The following TLR6 variants were observed in gnomAD, a reference collection of about 807,000 sequenced individuals.
The protein encoded by TLR6 is toll-like receptor 6.
A neutral mutation model predicts 16.1 loss-of-function variants in TLR6; 9 were observed. The observed-to-expected ratio is 0.56, with a 90% CI of 0.34 to 0.98. TLR6 has a LOEUF of 0.98. TLR6 is among the 50% of genes least tolerant of loss of function. The pLI is 0.02. For synonymous variants in TLR6, 340 were observed against 338.6 expected (o/e 1.00, Z -0.04); for missense variants, 786 against 921.0 (o/e 0.85, Z 1.90).
At chr4:38,868,120 C>T in the TLR6 span, 3 of 260,948 alleles carry the variant, frequency 1.1e-5, 1 homozygote, top group Admixed American at 4.0e-5. Context: ...CACACGCCCA[C>T]ACTCAGGGTC....
upstream of TLR6, among the ~76,000 whole-genome samples, chr4:38,858,869 AAGAAAGAAAGAAAGAAAGAG>A (rs1388519920): frequency 0.016 from 2,207 of 138,938 alleles, 85 homozygotes; most frequent in African/African-American, 0.024. Flanking sequence ...GAAAGAAAGA[AAGAAAGAAAGAAAGAAAGAG>A]AGAAAGAAAG....
At chr4:38,837,407 C>T (rs372544269) in intron 1 of TLR6, among the ~76,000 whole-genome samples, 1 of 152,208 alleles carries the variant, frequency 6.6e-6, no homozygotes, top group African/African-American at 2.4e-5. Flanking sequence ...GAATACAGAA[C>T]CCAGAAATTA....
chr4:38,836,393 T>C (rs1711919767), intron 1 of TLR6, among the ~76,000 whole-genome samples: 1 of 152,194 alleles, frequency 6.6e-6, no homozygotes, highest in South Asian at 2.1e-4. Context: ...AATGTATAAA[T>C]TTCTGGATAT....
intron 1 of TLR6, among the ~76,000 whole-genome samples, chr4:38,840,853 T>G (rs560184483): frequency 1.3e-5 from 2 of 152,116 alleles, no homozygotes; most frequent in Non-Finnish European, 2.9e-5. Flanking sequence ...AAACAAGCAG[T>G]GCCACATCGA....
At chr4:38,866,471 C>T in the TLR6 span, among the ~76,000 whole-genome samples, 17 of 151,362 alleles carry the variant, frequency 1.1e-4, no homozygotes, top group Non-Finnish European at 1.6e-4. Flanking sequence ...CCAGCCTGGA[C>T]GACAGAGCAA....
At chr4:38,863,857 A>C in the TLR6 span, among the ~76,000 whole-genome samples, 1 of 152,176 alleles carries the variant, frequency 6.6e-6, no homozygotes, top group African/African-American at 2.4e-5. Flanking sequence ...GTCAGATACT[A>C]GAATCATACT....
chr4:38,856,470 C>T (rs775841463), intron 1 of TLR6, among the ~76,000 whole-genome samples: 13 of 152,166 alleles, frequency 8.5e-5, no homozygotes, highest in Non-Finnish European at 1.6e-4. Flanking sequence ...AGAGAAAATT[C>T]GCTGGGCCAA....
chr4:38,857,665 AC>A (rs1713044879), upstream of TLR6, among the ~76,000 whole-genome samples: 1 of 138,174 alleles, frequency 7.2e-6, no homozygotes, highest in African/African-American at 3.2e-5. Context: ...TAAAAAAAAA[AC>A]AACAACAAGT....
intron 1 of TLR6, among the ~76,000 whole-genome samples, chr4:38,844,909 A>T (rs1665938131): frequency 6.6e-6 from 1 of 152,056 alleles, no homozygotes; most frequent in Non-Finnish European, 1.5e-5. Context: ...CAAAAAAAAA[A>T]TTAGCCAGGC....
the TLR6 span, among the ~76,000 whole-genome samples, chr4:38,865,060 G>C: frequency 6.6e-6 from 1 of 152,156 alleles, no homozygotes; most frequent in Admixed American, 6.5e-5. Context: ...ACCACCTCAA[G>C]AAAATGGCTA....
At chr4:38,868,202 G>T in the TLR6 span, 1 of 187,318 alleles carries the variant, frequency 5.3e-6, no homozygotes. Flanking sequence ...CTGGCACCAA[G>T]CAAGTCTGGA....
At chr4:38,843,264 T>C (rs978927201) in intron 1 of TLR6, among the ~76,000 whole-genome samples, 9 of 152,186 alleles carry the variant, frequency 5.9e-5, no homozygotes, top group African/African-American at 2.2e-4. Flanking sequence ...TCAGAACCTT[T>C]TCAGGCTCTG....
chr4:38,859,913 A>G (rs1713160233), upstream of TLR6, among the ~76,000 whole-genome samples: 1 of 152,034 alleles, frequency 6.6e-6, no homozygotes. Context: ...TTCACTATAT[A>G]TAGATATGTA....
intron 1 of TLR6, chr4:38,843,832 G>A (rs1234341708): frequency 6.6e-6 from 1 of 152,192 alleles, no homozygotes; most frequent in Non-Finnish European, 1.5e-5. Context: ...GCAGGATCCA[G>A]GAGCATCTTC....
Position 38,846,088 on chromosome 4 carries a change from C to CAA in TLR6, c.-65+10671_-65+10672dup, listed in dbSNP as rs10713614. Among the ~76,000 whole-genome samples the CAA allele has an allele frequency of 1.0e-4, 10 of 97,010 alleles. 1 individual carries two copies. The highest frequency in any genetic ancestry group is 3.1e-4 in the East Asian group (1 of 3,188). 63.6% of individuals were successfully genotyped at this position (97,010 alleles called of 152,430 possible). A position where few individuals can be genotyped will look rare whatever the true frequency, so the allele number is the denominator to read the frequency against. Reference sequence around the variant, plus strand: ...GGCTGGGCCACAGAGCGAGACATCTCAAAAAAAAAAAAAAAAAAAGAAAAG... The same window carrying CAA: ...GGCTGGGCCACAGAGCGAGACATCTCAAAAAAAAAAAAAAAAAAAAAGAAAAG... On this transcript the variant is annotated intron_variant, in intron 1 of 1. Coordinates refer to ENST00000436693, the Ensembl canonical transcript of TLR6.
At chr4:38,849,588 C>A (rs529815853) in intron 1 of TLR6, among the ~76,000 whole-genome samples, 81 of 152,076 alleles carry the variant, frequency 5.3e-4, no homozygotes, top group Admixed American at 2.0e-4. Context: ...GGAAGATCTA[C>A]CAAGCAAATG....
At chr4:38,841,765 CA>C (rs1712273622) in intron 1 of TLR6, among the ~76,000 whole-genome samples, 1 of 152,138 alleles carries the variant, frequency 6.6e-6, no homozygotes, top group African/African-American at 2.4e-5. Flanking sequence ...GTGTGGATGG[CA>C]GCAGTTACGT....
chr4:38,829,276 C>T (rs760661027), exon 2 of TLR6: 6 of 1,614,190 alleles, frequency 3.7e-6, no homozygotes, highest in East Asian at 2.2e-5. Flanking sequence ...AGACCTGAAG[C>T]TCAGCGATGT....
At chr4:38,848,976 G>A (rs1398443766) in intron 1 of TLR6, among the ~76,000 whole-genome samples, 1 of 152,134 alleles carries the variant, frequency 6.6e-6, no homozygotes. Flanking sequence ...ACACATAATT[G>A]TCAGATTCGC....
Sources: gnomAD v4.1 joint callset for allele counts (sites outside exome capture counted in the v4.1 genomes callset) on GRCh38, gnomAD v4.1.1 for gene constraint, MANE v1.5 for transcripts, NCBI Gene and HGNC (gene_info 2026-07-23, HGNC 2026-07-21) for gene names.